SEMA3A: variants seen among roughly 807,000 people sequenced by gnomAD.
The protein encoded by SEMA3A is semaphorin-3A.
SEMA3A carries 29 observed loss-of-function variants against 97.9 expected under a neutral mutation model. The ratio of observed to expected loss-of-function variants is 0.30; its 90% CI spans 0.22 to 0.40. The LOEUF (loss-of-function observed/expected upper bound fraction) is 0.40. Ranked by LOEUF, SEMA3A falls within the 10% of genes least tolerant of loss-of-function variation. The pLI, the probability that SEMA3A is intolerant of heterozygous loss-of-function variation, is 1.00. For missense variants in SEMA3A, 763 were observed against 951.3 expected (o/e 0.80, Z 2.60); for synonymous variants, 321 against 323.7 (o/e 0.99, Z 0.09).
intron 1 of SEMA3A, chr7:84,372,041 A>G (rs1802989774): frequency 6.6e-6 from 1 of 152,026 alleles, no homozygotes; most frequent in Non-Finnish European, 1.5e-5. Flanking sequence ...CCTTGGAAAC[A>G]TTACTGATCC....
intron 1 of SEMA3A, among the ~76,000 whole-genome samples, chr7:84,179,967 T>TA (rs1562834920): frequency 6.9e-6 from 1 of 145,634 alleles, no homozygotes; most frequent in Admixed American, 7.1e-5. Flanking sequence ...ACTGTTCTTT[T>TA]TTTTTTTTTT....
rs779233400 is a variant in SEMA3A at position 84,126,228 on chromosome 7, CAG to C, written c.333+2893_333+2894del. Among the ~76,000 whole-genome samples, 195 of 152,056 alleles carry C rather than the reference CAG, an allele frequency of 1.3e-3. 2 individuals carry two copies. Among genetic ancestry groups the C allele is most frequent in the African/African-American group, 4.3e-3 (179 of 41,488 alleles). On this transcript the variant is annotated intron_variant, in intron 3 of 16. Transcript: ENST00000265362. ...TATTTTATTTTACTTTTTTTTGAAACAGAGTCTCACTCTGTCACCCAGGCTGG... is the reference window on the plus strand; with the variant it reads ...TATTTTATTTTACTTTTTTTTGAAACAGTCTCACTCTGTCACCCAGGCTGG...
At chr7:84,003,889 TTC>T (rs1242508938) in intron 11 of SEMA3A, among the ~76,000 whole-genome samples, 1 of 152,126 alleles carries the variant, frequency 6.6e-6, no homozygotes. Context: ...CTGCTTTGGA[TTC>T]TTTTATTTGG....
chr7:83,978,944 T>C (rs1413821597), intron 14 of SEMA3A, among the ~76,000 whole-genome samples: 1 of 152,202 alleles, frequency 6.6e-6, no homozygotes, highest in African/African-American at 2.4e-5. Context: ...ATTGTAGGTA[T>C]ACAATAAATA....
chr7:84,232,067 T>TAC (rs1453903390), intron 3 of SEMA3A, among the ~76,000 whole-genome samples: 4 of 151,192 alleles, frequency 2.6e-5, no homozygotes, highest in Non-Finnish European at 4.4e-5. Flanking sequence ...TATATATATA[T>TAC]ACACACACAT....
At chr7:84,396,227 A>G (rs973976921) in intron 1 of SEMA3A, among the ~76,000 whole-genome samples, 1 of 152,038 alleles carries the variant, frequency 6.6e-6, no homozygotes, top group Non-Finnish European at 1.5e-5. Context: ...TTGTGAATAT[A>G]ATATACAGAA....
intron 5 of SEMA3A, among the ~76,000 whole-genome samples, chr7:84,051,132 G>C (rs953400550): frequency 1.3e-5 from 2 of 149,264 alleles, no homozygotes; most frequent in African/African-American, 4.9e-5. Flanking sequence ...ATAGTTTGAA[G>C]TCAGGTAGTG....
chr7:84,017,588 C>G (rs955717870), intron 6 of SEMA3A, among the ~76,000 whole-genome samples: 2 of 152,110 alleles, frequency 1.3e-5, no homozygotes, highest in African/African-American at 4.8e-5. Context: ...ATAAAACAGG[C>G]CTTGATTTTA....
At chr7:84,240,485 T>C (rs1799333574) in intron 3 of SEMA3A, among the ~76,000 whole-genome samples, 1 of 152,064 alleles carries the variant, frequency 6.6e-6, no homozygotes, top group Admixed American at 6.6e-5. Context: ...AAAGAAAGAT[T>C]TGAAGATGTT....
At chr7:84,403,129 G>T (rs956357635) in intron 1 of SEMA3A, among the ~76,000 whole-genome samples, 1 of 152,144 alleles carries the variant, frequency 6.6e-6, no homozygotes, top group Non-Finnish European at 1.5e-5. Flanking sequence ...TGAGGGATCA[G>T]GGAATTCCCT....
At chr7:84,298,091 C>A (rs181063198) in intron 3 of SEMA3A, among the ~76,000 whole-genome samples, 1 of 152,142 alleles carries the variant, frequency 6.6e-6, no homozygotes, top group Admixed American at 6.5e-5. Context: ...TAAAATGATC[C>A]TAGAAATATG....
At chr7:83,985,665 T>C (rs1789599724) in intron 12 of SEMA3A, among the ~76,000 whole-genome samples, 188 bp from the exon 13 acceptor site, 1 of 152,100 alleles carries the variant, frequency 6.6e-6, no homozygotes, top group Admixed American at 6.5e-5. Flanking sequence ...GAGCAGGCAA[T>C]AAGATTGTGT....
intron 1 of SEMA3A, among the ~76,000 whole-genome samples, chr7:84,162,624 C>T (rs1407128330): frequency 6.6e-6 from 1 of 151,994 alleles, no homozygotes; most frequent in Non-Finnish European, 1.5e-5. Flanking sequence ...GCTTAAAACA[C>T]TTTTCAAAAC....
At chr7:84,151,549 A>T (rs1375174436) in intron 1 of SEMA3A, among the ~76,000 whole-genome samples, 1 of 152,020 alleles carries the variant, frequency 6.6e-6, no homozygotes, top group African/African-American at 2.4e-5. Flanking sequence ...AAAAAAGAAT[A>T]AAAAGAAATG....
At chr7:84,144,364 G>T (rs182139062) in intron 1 of SEMA3A, among the ~76,000 whole-genome samples, 259 of 151,906 alleles carry the variant, frequency 1.7e-3, no homozygotes, top group African/African-American at 6.0e-3. Flanking sequence ...AGAAATAGAG[G>T]CTTAATTCTG....
chr7:84,137,848 G>GT (rs1796191433), intron 1 of SEMA3A, among the ~76,000 whole-genome samples: 1 of 152,140 alleles, frequency 6.6e-6, no homozygotes, highest in African/African-American at 2.4e-5. Context: ...ATTGGAAGAA[G>GT]TTGTAGGAAA....
At chr7:84,364,516 T>G (rs776325139) in intron 2 of SEMA3A, among the ~76,000 whole-genome samples, 4 of 151,776 alleles carry the variant, frequency 2.6e-5, no homozygotes, top group Non-Finnish European at 5.9e-5. Flanking sequence ...TTACATTTAA[T>G]TATTTCAGCC....
At chr7:83,967,614 G>T (rs1412201872) in intron 15 of SEMA3A, among the ~76,000 whole-genome samples, 1 of 151,974 alleles carries the variant, frequency 6.6e-6, no homozygotes, top group Non-Finnish European at 1.5e-5. Flanking sequence ...AATTAGTGGG[G>T]CATAATGGCG....
chr7:84,294,124 G>A (rs988259940), intron 3 of SEMA3A, among the ~76,000 whole-genome samples: 1 of 151,836 alleles, frequency 6.6e-6, no homozygotes, highest in Non-Finnish European at 1.5e-5. Flanking sequence ...TTTTTGGAGG[G>A]TTTTTTACTT....
Sources: gnomAD v4.1 joint callset for allele counts (sites outside exome capture counted in the v4.1 genomes callset) on GRCh38, gnomAD v4.1.1 for gene constraint, MANE v1.5 for transcripts, NCBI Gene and HGNC (gene_info 2026-07-23, HGNC 2026-07-21) for gene names.